SLC26A11: variants seen among roughly 807,000 people sequenced by gnomAD.
The protein encoded by SLC26A11 is sodium-independent sulfate anion transporter.
In SLC26A11, 58 loss-of-function variants were observed where a neutral mutation model predicts 62.2. That is an observed-to-expected ratio of 0.93 (90% CI 0.76 to 1.16). The LOEUF is 1.16. SLC26A11 is among the 50% of genes most tolerant of loss of function. The probability of loss-of-function intolerance (pLI) is 0.00; values close to 1 mark genes in which losing one functional copy is unlikely to be tolerated. For synonymous variants in SLC26A11, 411 were observed against 368.9 expected, an observed-to-expected ratio of 1.11 and a Z score of -1.31; for missense variants, 790 against 794.3, an observed-to-expected ratio of 0.99 and a Z score of 0.06.
chr17:80,227,056 C>A (rs987438726), intron 6 of SLC26A11, among the ~76,000 whole-genome samples: 2 of 152,162 alleles, frequency 1.3e-5, no homozygotes, highest in Admixed American at 1.3e-4. Context: ...CACGGGCTGT[C>A]ATGTAAAAGG....
In SLC26A11 at chr17:80,222,874, G is replaced by A; in HGVS notation, c.427+27G>A. On this transcript the variant is annotated intron_variant, in intron 4 of 17. Coordinates refer to ENST00000361193, the MANE Select transcript of SLC26A11 (RefSeq NM_001166347.2). The surrounding 1 kb of genome is among the most constrained non-coding windows in gnomAD (Gnocchi z 4.7). ...TGAGGCTCTACCTTCTTGCCAAGGG[G>A]ATGCCCTCGACCTCAGCATTTGCTT... The A allele has an allele frequency of 6.2e-7, 1 of 1,610,296 alleles. No homozygotes were observed. Among genetic ancestry groups the A allele is most frequent in the Non-Finnish European group, 8.5e-7 (1 of 1,177,680 alleles).
At chr17:80,250,270 C>T (rs537531738) in intron 16 of SLC26A11, among the ~76,000 whole-genome samples, 16 of 152,294 alleles carry the variant, frequency 1.1e-4, no homozygotes, top group African/African-American at 2.6e-4. Flanking sequence ...CCAAGTGACC[C>T]GTATACCCCA....
Position 80,246,458 on chromosome 17 carries a change from G to C in SLC26A11, c.1154-51G>C, listed in dbSNP as rs780061511. The C allele has an allele frequency of 6.2e-7, 1 of 1,601,254 alleles. No homozygotes were observed. Among genetic ancestry groups the C allele is most frequent in the African/African-American group, 1.3e-5 (1 of 74,886 alleles). Reference sequence around the variant, plus strand: ...TGAACAAGAGGCTGCTACGCTGCGTGCTGGGGGGACCCTGCACTCCCGAGG... The same window carrying C: ...TGAACAAGAGGCTGCTACGCTGCGTCCTGGGGGGACCCTGCACTCCCGAGG... On this transcript the variant is annotated intron_variant, in intron 12 of 17. Coordinates refer to ENST00000361193, the MANE Select transcript of SLC26A11 (RefSeq NM_001166347.2). The surrounding 1 kb of genome is among the most constrained non-coding windows in gnomAD (Gnocchi z 4.4).
rs2042203531 is a variant in SLC26A11, at chr17:80,221,680, G to A, written c.120G>A (p.Leu40=). The part of the protein sequence containing the change: ...LQRRLPILAW[L]PSYSLQWLKM... ...GGAGGCTGCCCATCCTGGCGTGGCT[G>A]CCCAGCTACTCCCTGCAGTGGCTGA... The change falls in exon 3 of 18, where the codon CTG becomes CTA. Residue 40 remains leucine (L), a synonymous_variant. Transcript: ENST00000361193. 6.2e-7 allele frequency: 1 copy of A among 1,613,416 alleles called. No homozygotes were observed. The highest frequency in any genetic ancestry group is 2.2e-5 in the East Asian group (1 of 44,892).
intron 7 of SLC26A11, among the ~76,000 whole-genome samples, chr17:80,232,012 A>G (rs761850657): frequency 4.9e-4 from 75 of 152,226 alleles, no homozygotes; most frequent in Admixed American, 8.5e-4. Context: ...GTTGATTATT[A>G]AAAGAAGAAT....
At position 80,237,078 on chromosome 17, in the gene SLC26A11, C is replaced by T. The variant is rs747886377; in HGVS notation, c.887C>T (p.Thr296Met). 1.1e-5 allele frequency: 18 copies of T among 1,613,114 alleles called. No individual in the cohort carries two copies. In the Admixed American group the frequency reaches 1.3e-4, roughly 12 times the overall value. The change falls in exon 8 of 18, where the codon ACG (threonine) becomes ATG (methionine). Residue 296 changes from threonine (T) to methionine (M), a missense_variant. Transcript: ENST00000361193. The part of the protein sequence containing the change: ...PPFSVTTANG[T>M]ISFTEMVQDM... ...TTCTCAGTGACCACAGCCAACGGGACGATCTCCTTCACCGAGATGGTGCAG... is the reference window on the plus strand; with the variant it reads ...TTCTCAGTGACCACAGCCAACGGGATGATCTCCTTCACCGAGATGGTGCAG...
At position 80,222,643 on chromosome 17, in the gene SLC26A11, C is replaced by T. The variant is rs1295655654; in HGVS notation, c.235-12C>T. 1.9e-6 allele frequency: 3 copies of T among 1,611,908 alleles called. No homozygotes were observed. Among genetic ancestry groups the T allele is most frequent in the Non-Finnish European group, 2.5e-6 (3 of 1,178,542 alleles). On this transcript the variant is annotated splice_polypyrimidine_tract_variant and intron_variant, in intron 3 of 17. Transcript: ENST00000361193. This position sits in a 1 kb window ranked among gnomAD's most constrained non-coding sequence, Gnocchi z 4.7. ...CGGCCTCCTGAGTGCTCACCACCCTCTCTCCCCACAGTATGGCCTCTACTC... is the reference window on the plus strand; with the variant it reads ...CGGCCTCCTGAGTGCTCACCACCCTTTCTCCCCACAGTATGGCCTCTACTC...
rs142373038 is a variant in SLC26A11 at position 80,236,931 on chromosome 17, G to T, written c.740G>T (p.Arg247Leu). ...RGLVWAATTARNALVVSFAAL... is the reference protein window; with the variant it reads ...RGLVWAATTALNALVVSFAAL... ...CGCACCTCTCCTTCTCTCCTAGCTCGCAACGCCCTGGTGGTCTCCTTCGCA... is the reference window on the plus strand; with the variant it reads ...CGCACCTCTCCTTCTCTCCTAGCTCTCAACGCCCTGGTGGTCTCCTTCGCA... The change falls in exon 8 of 18, where the codon CGC becomes CTC. Residue 247 changes from arginine (R) to leucine (L), a missense_variant. Transcript: ENST00000361193. 10 of 1,609,572 alleles carry T rather than the reference G, an allele frequency of 6.2e-6. No individual in the cohort carries two copies. In the South Asian group the frequency reaches 1.1e-4, roughly 18 times the overall value.
At chr17:80,221,223 G>A (rs2042170401) in intron 2 of SLC26A11, 108 bp downstream of exon 2, 2 of 287,642 alleles carry the variant, frequency 7.0e-6, no homozygotes, top group Admixed American at 5.2e-5. Flanking sequence ...GAAGTGTTGA[G>A]CCTAATTAGT....
chr17:80,222,832 G>A lies in SLC26A11; in HGVS notation c.412G>A (p.Gly138Arg). 2 of 1,614,010 alleles carry A rather than the reference G, an allele frequency of 1.2e-6. No individual in the cohort carries two copies. Among genetic ancestry groups the A allele is most frequent in the Non-Finnish European group, 1.7e-6 (2 of 1,179,954 alleles). ...GTCCGGCTGCATCCAGCTGGCCATGGGGGTCCTGCGTTTGGGTGAGGCTCT... is the reference window on the plus strand; with the variant it reads ...GTCCGGCTGCATCCAGCTGGCCATGAGGGTCCTGCGTTTGGGTGAGGCTCT... ...FLSGCIQLAM[G>R]VLRLGFLLDF... Residue 138 changes from glycine to arginine, a missense_variant, in exon 4 of 18, where the codon GGG (glycine) becomes AGG (arginine). Transcript: ENST00000361193. This position sits in a 1 kb window ranked among gnomAD's most constrained non-coding sequence, Gnocchi z 4.7.
chr17:80,224,881 A>G (rs907805675), intron 5 of SLC26A11, among the ~76,000 whole-genome samples: 5 of 152,032 alleles, frequency 3.3e-5, no homozygotes, highest in African/African-American at 7.2e-5. Flanking sequence ...TGACAGGCCC[A>G]GGACAGAAGA....
chr17:80,227,645 T>A (rs571548222), intron 6 of SLC26A11, among the ~76,000 whole-genome samples, 173 bp from the exon 7 acceptor site: 8 of 152,278 alleles, frequency 5.3e-5, no homozygotes, highest in Non-Finnish European at 1.2e-4. Context: ...GTGAAAATAT[T>A]GAAAATGCTT....
At chr17:80,247,409 G>C (rs1322141014) in intron 13 of SLC26A11, among the ~76,000 whole-genome samples, 1 of 152,144 alleles carries the variant, frequency 6.6e-6, no homozygotes, top group Non-Finnish European at 1.5e-5. Context: ...TCACTTCCCA[G>C]TAGGGGCGGC....
Position 80,225,697 on chromosome 17 carries a change from AAGATG to A in SLC26A11, c.514-139_514-135del, listed in dbSNP as rs976268995. The A allele has an allele frequency of 5.4e-6, 4 of 744,556 alleles. No individual in the cohort carries two copies. The Admixed American group carries it at 6.8e-5, about 13-fold the overall frequency. 46.1% of individuals were successfully genotyped at this position (744,556 alleles called of 1,614,324 possible). ...TGGGCAGGTGGACCCCTGAGCCCCT[AAGATG>A]GGCCCCGGGAATAAGGGTTGGGAGC... On this transcript the variant is annotated intron_variant, in intron 5 of 17. Transcript: ENST00000361193.
rs1475868890 is a variant in SLC26A11, at chr17:80,223,279, C to G, written c.455C>G (p.Pro152Arg). The G allele has an allele frequency of 1.2e-6, 2 of 1,614,132 alleles. No homozygotes were observed. The highest frequency in any genetic ancestry group is 8.5e-7 in the Non-Finnish European group (1 of 1,180,018). ...LGFLLDFISY[P>R]VIKGFTSAAA... ...TTCCTGCTGGACTTCATTTCCTACC[C>G]CGTCATTAAAGGCTTCACCTCTGCT... The change falls in exon 5 of 18, where the codon CCC (proline) becomes CGC (arginine). Residue 152 changes from proline (P) to arginine (R), a missense_variant. Pro to Arg is a moderately radical substitution (Grantham distance 103). Coordinates refer to ENST00000361193, the MANE Select transcript of SLC26A11 (RefSeq NM_001166347.2). This position sits in a 1 kb window ranked among gnomAD's most constrained non-coding sequence, Gnocchi z 4.6.
At chr17:80,234,204 C>T (rs2042633383) in intron 7 of SLC26A11, among the ~76,000 whole-genome samples, 3 of 152,152 alleles carry the variant, frequency 2.0e-5, no homozygotes, top group Admixed American at 1.3e-4. Context: ...GGGGTTTTGC[C>T]ATGTTGGCCA....
intron 5 of SLC26A11, among the ~76,000 whole-genome samples, chr17:80,225,033 T>A (rs1350302858): frequency 2.6e-5 from 4 of 151,650 alleles, no homozygotes; most frequent in Non-Finnish European, 5.9e-5. Context: ...TCCTGTTGGG[T>A]CTCAGGCGAT....
In SLC26A11 at chr17:80,241,821, G is replaced by A. The variant is rs140725186; in HGVS notation, c.1036G>A (p.Gly346Ser). Reference sequence around the variant, plus strand: ...TGCCAACCAGGAGCTGCTGGCCATCGGTAAGACCCCAGCCGCGGGAAGGAA... The same window carrying A: ...TGCCAACCAGGAGCTGCTGGCCATCAGTAAGACCCCAGCCGCGGGAAGGAA... ...IDANQELLAI[G>S]LTNMLGSLVS... is the part of the protein sequence containing the mutation. Residue 346 changes from glycine to serine, a missense_variant and splice_region_variant, in exon 10 of 18, where the codon GGT becomes AGT. Physicochemically the swap from Gly to Ser is moderately conservative, Grantham distance 56 (BLOSUM62 0). Transcript: ENST00000361193. 98 of 1,614,006 alleles carry A rather than the reference G, an allele frequency of 6.1e-5. No individual in the cohort carries two copies. Among genetic ancestry groups the A allele is most frequent in the Non-Finnish European group, 7.4e-5 (87 of 1,180,030 alleles).
chr17:80,224,272 AGT>A (rs545615623), intron 5 of SLC26A11, among the ~76,000 whole-genome samples: 2 of 110,096 alleles, frequency 1.8e-5, no homozygotes, highest in African/African-American at 3.2e-5. Flanking sequence ...TGCGTGTGTG[AGT>A]GAGTGCGTGT....
Sources: gnomAD v4.1 joint callset for allele counts (sites outside exome capture counted in the v4.1 genomes callset) on GRCh38, gnomAD v4.1.1 for gene constraint, Gnocchi (gnomAD v3.1) non-coding constraint, MANE v1.5 for transcripts, NCBI Gene and HGNC (gene_info 2026-07-23, HGNC 2026-07-21) for gene names.